Variants in CNTNAP2 observed in about 807,000 individuals in gnomAD.
CNTNAP2 encodes the protein contactin-associated protein-like 2.
A neutral mutation model predicts 155.2 loss-of-function variants in CNTNAP2; 98 were observed. The observed-to-expected ratio is 0.63, with a 90% CI of 0.54 to 0.75. The LOEUF is 0.75. CNTNAP2 is among the 30% of genes least tolerant of loss of function. The pLI, the probability that CNTNAP2 is intolerant of heterozygous loss-of-function variation, is 0.00. For synonymous variants in CNTNAP2, 651 were observed against 631.2 expected, an observed-to-expected ratio of 1.03 and a Z score of -0.47; for missense variants, 1,727 against 1,688.1, an observed-to-expected ratio of 1.02 and a Z score of -0.40.
chr7:147,600,990 C>A (rs1800931897), intron 12 of CNTNAP2, among the ~76,000 whole-genome samples: 1 of 152,014 alleles, frequency 6.6e-6, no homozygotes, highest in Non-Finnish European at 1.5e-5. Flanking sequence ...TTGTAATAAT[C>A]CCCTGAACAT....
intron 1 of CNTNAP2, among the ~76,000 whole-genome samples, chr7:146,133,512 G>A (rs1168696851): frequency 6.6e-6 from 1 of 152,134 alleles, no homozygotes; most frequent in Non-Finnish European, 1.5e-5. Flanking sequence ...GAATGGTAAT[G>A]CCTAGGTTTT....
At chr7:146,919,232 T>C (rs1308029318) in intron 3 of CNTNAP2, among the ~76,000 whole-genome samples, 2 of 152,190 alleles carry the variant, frequency 1.3e-5, no homozygotes, top group Admixed American at 1.3e-4. Flanking sequence ...GTGAGTAATG[T>C]GATCGTTTGA....
chr7:146,747,107 G>A (rs940170154), intron 1 of CNTNAP2, among the ~76,000 whole-genome samples: 1 of 152,072 alleles, frequency 6.6e-6, no homozygotes, highest in African/African-American at 2.4e-5. Flanking sequence ...TTTTGAATGT[G>A]TTAAACTTTT....
intron 1 of CNTNAP2, among the ~76,000 whole-genome samples, chr7:146,611,381 G>A (rs186661645): frequency 3.5e-4 from 54 of 152,198 alleles, no homozygotes; most frequent in African/African-American, 1.2e-3. Context: ...GCGAGCCACC[G>A]CACCTGGTCT....
intron 20 of CNTNAP2, among the ~76,000 whole-genome samples, chr7:148,239,692 A>G (rs887069104): frequency 1.6e-4 from 24 of 152,190 alleles, no homozygotes; most frequent in Admixed American, 2.0e-4. Flanking sequence ...AGGAAACAAG[A>G]TGCCCAACTA....
In CNTNAP2 at chr7:146,336,708, A is replaced by G. The variant is rs1178005670; in HGVS notation, c.97+219735A>G. ...AATACTCCTCAATAAGTGAATAGTT[A>G]AACAGGTTGTGGTACATCTATATCA... On this transcript the variant is annotated intron_variant, in intron 1 of 23. Coordinates refer to ENST00000361727, the MANE Select transcript of CNTNAP2 (RefSeq NM_014141.6). Among the ~76,000 whole-genome samples the G allele has an allele frequency of 2.6e-5, 4 of 152,220 alleles. No individual in the cohort carries two copies. The South Asian group carries it at 6.2e-4, about 24-fold the overall frequency.
intron 1 of CNTNAP2, among the ~76,000 whole-genome samples, chr7:146,471,167 A>C (rs1796792223): frequency 6.6e-6 from 1 of 152,210 alleles, no homozygotes; most frequent in Non-Finnish European, 1.5e-5. Flanking sequence ...GGATCTGATA[A>C]AAATCTTAAT....
At chr7:147,851,192 C>G (rs1361008041) in intron 13 of CNTNAP2, among the ~76,000 whole-genome samples, 8 of 152,070 alleles carry the variant, frequency 5.3e-5, no homozygotes, top group African/African-American at 1.4e-4. Context: ...CACTGGCCAT[C>G]AGAGAAATGC....
At chr7:146,331,108 T>G in intron 1 of CNTNAP2, among the ~76,000 whole-genome samples, 1 of 151,740 alleles carries the variant, frequency 6.6e-6, no homozygotes, top group East Asian at 1.9e-4. Flanking sequence ...ATCGAGACCA[T>G]CCTGGCTAAC....
At chr7:147,123,855 A>G (rs1801170184) in intron 6 of CNTNAP2, among the ~76,000 whole-genome samples, 2 of 152,126 alleles carry the variant, frequency 1.3e-5, no homozygotes, top group African/African-American at 4.8e-5. Context: ...AGCCTGGCCA[A>G]TGTGGTGAAA....
chr7:146,772,458 A>G (rs1802308876), intron 1 of CNTNAP2, among the ~76,000 whole-genome samples: 1 of 149,450 alleles, frequency 6.7e-6, no homozygotes, highest in Non-Finnish European at 1.5e-5. Flanking sequence ...GGAGATCTAG[A>G]CCATCCTGGC....
At chr7:148,227,915 G>GTGTGTA (rs1795884094) in intron 19 of CNTNAP2, among the ~76,000 whole-genome samples, 1 of 151,284 alleles carries the variant, frequency 6.6e-6, no homozygotes, top group African/African-American at 2.4e-5. Flanking sequence ...GTGTGTGTGT[G>GTGTGTA]TGTGTGTGTG....
At chr7:148,076,763 C>G (rs1470412373) in intron 15 of CNTNAP2, among the ~76,000 whole-genome samples, 1 of 152,020 alleles carries the variant, frequency 6.6e-6, no homozygotes, top group Non-Finnish European at 1.5e-5. Context: ...ACTTCTAAGT[C>G]AACTGTGTTC....
At chr7:147,932,415 G>T (rs1445590427) in intron 14 of CNTNAP2, among the ~76,000 whole-genome samples, 2 of 152,156 alleles carry the variant, frequency 1.3e-5, no homozygotes, top group African/African-American at 4.8e-5. Flanking sequence ...GTGCATATAT[G>T]ACCAACTGAT....
intron 3 of CNTNAP2, chr7:146,915,763 A>G (rs964581729): frequency 1.3e-5 from 2 of 152,030 alleles, no homozygotes; most frequent in Admixed American, 6.6e-5. Flanking sequence ...TTATATCATC[A>G]GCAAAAACAG....
intron 9 of CNTNAP2, among the ~76,000 whole-genome samples, chr7:147,349,572 G>A (rs1292723358): frequency 1.3e-5 from 2 of 151,728 alleles, no homozygotes; most frequent in Non-Finnish European, 3.0e-5. Context: ...CAAATTAAAT[G>A]AGAAAATTGA....
chr7:147,655,478 T>C (rs975621195), intron 13 of CNTNAP2, among the ~76,000 whole-genome samples: 13 of 152,256 alleles, frequency 8.5e-5, no homozygotes, highest in Non-Finnish European at 1.6e-4. Flanking sequence ...CCATGGGCAA[T>C]AGAATTCATG....
At chr7:146,215,118 A>C (rs1799093719) in intron 1 of CNTNAP2, among the ~76,000 whole-genome samples, 1 of 152,200 alleles carries the variant, frequency 6.6e-6, no homozygotes, top group Non-Finnish European at 1.5e-5. Flanking sequence ...TTTAGCTATA[A>C]ATGCATAAAA....
intron 1 of CNTNAP2, among the ~76,000 whole-genome samples, chr7:146,229,262 C>G (rs922105930): frequency 3.9e-5 from 6 of 152,132 alleles, no homozygotes; most frequent in Admixed American, 2.0e-4. Context: ...TCAGAAAACA[C>G]TAAGAACATT....
Sources: allele counts gnomAD v4.1 joint callset (sites outside exome capture counted in the v4.1 genomes callset), GRCh38; gene constraint gnomAD v4.1.1; transcripts MANE v1.5; gene names NCBI Gene and HGNC (gene_info 2026-07-23, HGNC 2026-07-21).